SOX6: variants seen among roughly 807,000 people sequenced by gnomAD.
SOX6 encodes SRY-box transcription factor 6.
Under a neutral mutation model 97.8 loss-of-function variants are expected in SOX6, and 11 were observed. The ratio of observed to expected loss-of-function variants is 0.11; its 90% CI spans 0.07 to 0.19. The LOEUF (loss-of-function observed/expected upper bound fraction) is 0.19. Ranked by LOEUF, SOX6 falls within the 10% of genes least tolerant of loss-of-function variation. The probability of loss-of-function intolerance (pLI) is 1.00; values close to 1 mark genes in which losing one functional copy is unlikely to be tolerated. For missense variants in SOX6, 810 were observed against 1,039.5 expected (o/e 0.78, Z 3.04); for synonymous variants, 360 against 371.4 (o/e 0.97, Z 0.35).
In SOX6 at chr11:16,467,751, T is replaced by C. The variant is rs117301656; in HGVS notation, c.-5+8564A>G. Among the ~76,000 whole-genome samples, 520 of 152,272 alleles carry C rather than the reference T, an allele frequency of 3.4e-3. 15 individuals carry two copies. The East Asian group carries it at 0.052, about 15-fold the overall frequency. Reference sequence around the variant, plus strand: ...AACCCTCATGACACAAGTTTACCTATGTAATAAACCCTGCACATGTACCCC... The same window carrying C: ...AACCCTCATGACACAAGTTTACCTACGTAATAAACCCTGCACATGTACCCC... On this transcript the variant is annotated intron_variant, in intron 1 of 15. Coordinates refer to the SOX6 transcript ENST00000396356.
chr11:16,553,118 T>C (rs1224569303), intron 4 of SOX6, among the ~76,000 whole-genome samples: 1 of 152,220 alleles, frequency 6.6e-6, no homozygotes, highest in African/African-American at 2.4e-5. Flanking sequence ...TCTTTTTTTA[T>C]AACTTTCCTC....
At chr11:16,323,301 A>C (rs1855980991) in intron 2 of SOX6, among the ~76,000 whole-genome samples, 1 of 152,172 alleles carries the variant, frequency 6.6e-6, no homozygotes. Context: ...CAGTTTTTCC[A>C]TATCGGCAAA....
chr11:16,546,703 C>A (rs989188091), intron 4 of SOX6, among the ~76,000 whole-genome samples: 1 of 152,030 alleles, frequency 6.6e-6, no homozygotes, highest in Non-Finnish European at 1.5e-5. Flanking sequence ...ACGATCTAGG[C>A]AACGAATTTT....
intron 9 of SOX6, 78 bp from the exon 10 acceptor site, chr11:16,055,979 T>A: frequency 6.7e-7 from 1 of 1,500,546 alleles, no homozygotes; most frequent in Non-Finnish European, 9.1e-7. Flanking sequence ...ACTTACCATA[T>A]TGTTAGATTT....
At chr11:16,228,929 T>C (rs1411304879) in intron 4 of SOX6, among the ~76,000 whole-genome samples, 1 of 152,138 alleles carries the variant, frequency 6.6e-6, no homozygotes, top group Non-Finnish European at 1.5e-5. Context: ...GATATAAAAT[T>C]TTATGAGAAA....
intron 3 of SOX6, among the ~76,000 whole-genome samples, chr11:16,665,523 G>C (rs1847800765): frequency 6.6e-6 from 1 of 152,202 alleles, no homozygotes; most frequent in African/African-American, 2.4e-5. Context: ...AGCCATAGTA[G>C]AGTACAGCAC....
chr11:16,326,764 C>T (rs1320553739), intron 2 of SOX6, among the ~76,000 whole-genome samples: 1 of 152,138 alleles, frequency 6.6e-6, no homozygotes, highest in Non-Finnish European at 1.5e-5. Context: ...ATCCTTAATG[C>T]TATCTGTAGG....
chr11:15,991,778 T>C (rs1388998536), intron 13 of SOX6, among the ~76,000 whole-genome samples: 1 of 152,206 alleles, frequency 6.6e-6, no homozygotes, highest in Non-Finnish European at 1.5e-5. Flanking sequence ...GATTTTTAGA[T>C]GCTGGCTTTG....
chr11:16,344,388 A>C (rs1171415899), intron 1 of SOX6, among the ~76,000 whole-genome samples: 2 of 152,096 alleles, frequency 1.3e-5, no homozygotes, highest in East Asian at 3.9e-4. Context: ...TAAATACTTT[A>C]TTAAATAATC....
intron 13 of SOX6, among the ~76,000 whole-genome samples, chr11:16,004,037 C>T (rs1564902767): frequency 6.6e-6 from 1 of 151,126 alleles, no homozygotes; most frequent in Non-Finnish European, 1.5e-5. Flanking sequence ...TACACACACA[C>T]ATATATATGT....
chr11:16,116,034 TA>T (rs920081120), intron 6 of SOX6, among the ~76,000 whole-genome samples: 3 of 152,194 alleles, frequency 2.0e-5, no homozygotes, highest in Non-Finnish European at 2.9e-5. Flanking sequence ...TTATTTTAAG[TA>T]AAACAATAAA....
intron 9 of SOX6, among the ~76,000 whole-genome samples, chr11:16,063,501 T>C (rs1217323164): frequency 2.9e-4 from 2 of 6,810 alleles, no homozygotes; most frequent in African/African-American, 7.5e-4. Flanking sequence ...TAATTTTATA[T>C]ATATATATAT....
At position 16,186,884 on chromosome 11, in the gene SOX6, C is replaced by T; in HGVS notation, c.607G>A (p.Glu203Lys). ...TCATCATGCGCTGCCAGTAGCTGCT[C>T]CCGTAAACTGATCAGCTGGGTAATC... ...TMITQLISLR[E>K]QLLAAHDEQK... Residue 203 changes from glutamate to lysine, a missense_variant, in exon 5 of 16, where the codon GAG (glutamate) becomes AAG (lysine). By Grantham distance (56) the Glu-to-Lys change is moderately conservative (BLOSUM62 1). Coordinates refer to ENST00000683767, the MANE Select transcript of SOX6 (RefSeq NM_001367873.1). 1 of 1,613,812 alleles carries T rather than the reference C, an allele frequency of 6.2e-7. No homozygotes were observed.
chr11:16,644,554 C>T (rs1848982003), intron 3 of SOX6, among the ~76,000 whole-genome samples: 1 of 151,842 alleles, frequency 6.6e-6, no homozygotes, highest in South Asian at 2.1e-4. Context: ...GAATTATTGA[C>T]AAGTGCATTC....
intron 1 of SOX6, among the ~76,000 whole-genome samples, chr11:16,430,629 G>A (rs1475112320): frequency 6.6e-6 from 1 of 152,094 alleles, no homozygotes; most frequent in African/African-American, 2.4e-5. Flanking sequence ...GAGGAAGTGG[G>A]CGCTCACCAG....
At chr11:16,706,466 AAAAAAATATATAT>A (rs1848134010) in intron 3 of SOX6, among the ~76,000 whole-genome samples, 1 of 23,082 alleles carries the variant, frequency 4.3e-5, no homozygotes, top group Non-Finnish European at 8.5e-5. Flanking sequence ...AAAAAAAAAA[AAAAAAATATATAT>A]ATATATATAT....
At chr11:16,402,573 T>C in intron 1 of SOX6, 1 of 1,334,492 alleles carries the variant, frequency 7.5e-7, no homozygotes. Flanking sequence ...ATCTCAGAGA[T>C]GGTGACAAAG....
chr11:16,265,891 TA>T (rs1854071526), intron 3 of SOX6, among the ~76,000 whole-genome samples: 1 of 125,386 alleles, frequency 8.0e-6, no homozygotes, highest in African/African-American at 2.9e-5. Flanking sequence ...AGAAACTATC[TA>T]AAATGAAATG....
chr11:16,098,887 C>T (rs1848868590), intron 7 of SOX6, among the ~76,000 whole-genome samples: 1 of 151,730 alleles, frequency 6.6e-6, no homozygotes, highest in Non-Finnish European at 1.5e-5. Flanking sequence ...GACACGAATA[C>T]CTGGAGCCTT....
Sources: gnomAD v4.1 joint callset for allele counts (sites outside exome capture counted in the v4.1 genomes callset) on GRCh38, gnomAD v4.1.1 for gene constraint, MANE v1.5 for transcripts, NCBI Gene and HGNC (gene_info 2026-07-23, HGNC 2026-07-21) for gene names.